RIMS1: variants seen among roughly 807,000 people sequenced by gnomAD.
RIMS1 encodes regulating synaptic membrane exocytosis 1.
RIMS1 carries 83 observed loss-of-function variants against 214.1 expected under a neutral mutation model. That is an observed-to-expected ratio of 0.39 (90% CI 0.32 to 0.47). The LOEUF is 0.47. RIMS1 is among the 20% of genes least tolerant of loss of function. The pLI, the probability that RIMS1 is intolerant of heterozygous loss-of-function variation, is 0.99. For synonymous variants in RIMS1, 793 were observed against 786.8 expected, an observed-to-expected ratio of 1.01 and a Z score of -0.13; for missense variants, 2,050 against 2,161.8, an observed-to-expected ratio of 0.95 and a Z score of 1.03.
intron 23 of RIMS1, among the ~76,000 whole-genome samples, chr6:72,280,155 C>T (rs892262005): frequency 6.6e-6 from 1 of 151,308 alleles, no homozygotes; most frequent in Non-Finnish European, 1.5e-5. Context: ...AAAATATTAC[C>T]TTTTAAACTA....
At chr6:72,113,119 G>C (rs939578274) in intron 4 of RIMS1, among the ~76,000 whole-genome samples, 2 of 152,146 alleles carry the variant, frequency 1.3e-5, no homozygotes, top group African/African-American at 4.8e-5. Flanking sequence ...GCAGTGTGCA[G>C]AGTCATGGTA....
intron 29 of RIMS1, among the ~76,000 whole-genome samples, chr6:72,385,189 A>G (rs1045021664): frequency 2.0e-5 from 3 of 152,204 alleles, no homozygotes; most frequent in African/African-American, 7.2e-5. Flanking sequence ...TTATGTCTTT[A>G]TAAGGTTAAT....
chr6:72,351,436 C>T (rs1274506221), intron 29 of RIMS1, among the ~76,000 whole-genome samples: 1 of 152,140 alleles, frequency 6.6e-6, no homozygotes, highest in African/African-American at 2.4e-5. Context: ...AGTTGTTCAG[C>T]CCATATTATG....
chr6:72,164,096 G>T (rs1041603973), intron 4 of RIMS1, among the ~76,000 whole-genome samples: 2 of 152,124 alleles, frequency 1.3e-5, no homozygotes, highest in Non-Finnish European at 2.9e-5. Flanking sequence ...AATGGTGGGC[G>T]CCCCTCCCCC....
intron 2 of RIMS1, among the ~76,000 whole-genome samples, chr6:72,027,638 C>A (rs571510): frequency 0.99 from 150,632 of 152,196 alleles, 74,548 homozygotes; most frequent in East Asian, 1. Flanking sequence ...TCATTTAAAA[C>A]AACAGCCCTA....
chr6:72,051,729 T>G (rs985494003), intron 2 of RIMS1, among the ~76,000 whole-genome samples: 2 of 152,176 alleles, frequency 1.3e-5, no homozygotes, highest in Non-Finnish European at 2.9e-5. Flanking sequence ...TCCTAGTAAA[T>G]TTACTTTCTG....
At chr6:72,291,285 G>C (rs2093349564) in intron 25 of RIMS1, among the ~76,000 whole-genome samples, 1 of 152,152 alleles carries the variant, frequency 6.6e-6, no homozygotes, top group Non-Finnish European at 1.5e-5. Context: ...TTTGAAAAGT[G>C]TTTAAATGCC....
intron 4 of RIMS1, among the ~76,000 whole-genome samples, chr6:72,134,849 A>G (rs746225348): frequency 5.3e-5 from 8 of 152,162 alleles, no homozygotes; most frequent in Non-Finnish European, 8.8e-5. Context: ...ATAGACAAAC[A>G]TGAACAAATA....
chr6:72,389,719 C>A lies in RIMS1; in HGVS notation c.4367-879C>A, dbSNP rs192027890. Among the ~76,000 whole-genome samples the A allele has an allele frequency of 3.0e-3, 458 of 152,144 alleles. 1 individual carries two copies. The highest frequency in any genetic ancestry group is 5.2e-3 in the Admixed American group (79 of 15,270). On this transcript the variant is annotated intron_variant, in intron 29 of 33. Transcript: ENST00000521978. ...GCGAAAACCAGAAATTTATATAGGA[C>A]GTATAGATGGAATAAAGTCTAACAG... is the stretch of plus-strand genomic sequence containing the variant.
intron 4 of RIMS1, among the ~76,000 whole-genome samples, chr6:72,112,182 AT>A (rs1299659671): frequency 6.6e-6 from 1 of 152,084 alleles, no homozygotes; most frequent in African/African-American, 2.4e-5. Context: ...TTCATCAGGA[AT>A]TTGGCTCTGT....
chr6:71,944,137 T>A (rs189234760), intron 1 of RIMS1, among the ~76,000 whole-genome samples: 309 of 152,344 alleles, frequency 2.0e-3, no homozygotes, highest in South Asian at 0.01. Context: ...ATGGTTAATG[T>A]AAAATCTAAG....
chr6:71,894,444 T>TG (rs1358731518), intron 1 of RIMS1, among the ~76,000 whole-genome samples: 5 of 145,002 alleles, frequency 3.4e-5, no homozygotes, highest in Non-Finnish European at 7.7e-5. Flanking sequence ...AGACTCTGTC[T>TG]GAAAAAAAAA....
chr6:72,255,766 G>A (rs555518323), intron 16 of RIMS1, among the ~76,000 whole-genome samples: 32 of 152,168 alleles, frequency 2.1e-4, no homozygotes, highest in East Asian at 3.9e-4. Flanking sequence ...AGCCGGGCAC[G>A]GTGGCTCACG....
chr6:72,351,071 C>T (rs11757505), intron 29 of RIMS1, among the ~76,000 whole-genome samples: 29,044 of 151,788 alleles, frequency 0.19, 3,412 homozygotes, highest in Middle Eastern at 0.27. Context: ...GGAGCATAAA[C>T]ATTTCATATT....
intron 2 of RIMS1, among the ~76,000 whole-genome samples, chr6:72,032,295 G>A (rs1244495433): frequency 6.6e-6 from 1 of 152,144 alleles, no homozygotes; most frequent in Admixed American, 6.6e-5. Context: ...CTGATTCATT[G>A]TCAGTTAAAA....
At chr6:72,261,039 A>G in intron 19 of RIMS1, 1 of 1,244,578 alleles carries the variant, frequency 8.0e-7, no homozygotes, top group Non-Finnish European at 1.0e-6. Flanking sequence ...AAACTGAGGA[A>G]CCAGTTTCTG....
chr6:72,176,600 A>C (rs1258942201), intron 4 of RIMS1, among the ~76,000 whole-genome samples: 3 of 152,154 alleles, frequency 2.0e-5, no homozygotes, highest in Non-Finnish European at 2.9e-5. Flanking sequence ...GGTTAATTTT[A>C]CTTTCAGTTT....
intron 2 of RIMS1, among the ~76,000 whole-genome samples, chr6:72,060,983 T>C (rs1827693321): frequency 6.6e-6 from 1 of 152,206 alleles, no homozygotes; most frequent in Non-Finnish European, 1.5e-5. Flanking sequence ...TAACATCTTC[T>C]GAGATGCAGA....
intron 4 of RIMS1, among the ~76,000 whole-genome samples, chr6:72,114,537 C>A (rs1298529498): frequency 1.3e-5 from 2 of 151,772 alleles, no homozygotes; most frequent in African/African-American, 2.4e-5. Context: ...AAGGAAATAT[C>A]AAATTTTTTT....
Sources: allele counts gnomAD v4.1 joint callset (sites outside exome capture counted in the v4.1 genomes callset), GRCh38; gene constraint gnomAD v4.1.1; transcripts MANE v1.5; gene names NCBI Gene and HGNC (gene_info 2026-07-23, HGNC 2026-07-21).